Variants in ADAMTS3 observed in about 807,000 individuals in gnomAD.
ADAMTS3 encodes A disintegrin and metalloproteinase with thrombospondin motifs 3.
A neutral mutation model predicts 129.0 loss-of-function variants in ADAMTS3; 73 were observed. The ratio of observed to expected loss-of-function variants is 0.57; its 90% confidence interval spans 0.47 to 0.69. The LOEUF (loss-of-function observed/expected upper bound fraction) is 0.69, where lower values mean the gene tolerates loss of function less well. Among genes scored for constraint, ADAMTS3 ranks in the 30% least tolerant of loss-of-function variants. ADAMTS3 has a pLI of 0.00. For synonymous variants in ADAMTS3, 477 were observed against 510.8 expected (o/e 0.93, Z 0.89); for missense variants, 1,457 against 1,514.5 (o/e 0.96, Z 0.63).
intron 10 of ADAMTS3, among the ~76,000 whole-genome samples, chr4:72,317,158 C>T (rs1031787887): frequency 6.6e-6 from 1 of 152,102 alleles, no homozygotes; most frequent in Non-Finnish European, 1.5e-5. Flanking sequence ...TGCTAATTAC[C>T]TACATACACC....
intron 5 of ADAMTS3, among the ~76,000 whole-genome samples, chr4:72,328,467 G>A (rs1479546133): frequency 3.3e-5 from 5 of 152,126 alleles, no homozygotes; most frequent in Non-Finnish European, 7.3e-5. Context: ...TCAGATGGGT[G>A]GATCAGGTCT....
intron 5 of ADAMTS3, among the ~76,000 whole-genome samples, chr4:72,337,399 T>C (rs572154193): frequency 3.3e-5 from 5 of 152,178 alleles, no homozygotes; most frequent in South Asian, 4.1e-4. Context: ...CTGGTGAATA[T>C]ACTGTATCCA....
At chr4:72,389,028 C>T (rs1578636767) in intron 4 of ADAMTS3, among the ~76,000 whole-genome samples, 1 of 152,186 alleles carries the variant, frequency 6.6e-6, no homozygotes, top group Admixed American at 6.5e-5. Flanking sequence ...CTCGGCCTAG[C>T]ACAAACCAAA....
rs186855350 is a variant in ADAMTS3 at position 72,558,154 on chromosome 4, C to T, written c.97+9220G>A. 2.3e-3 allele frequency among the ~76,000 whole-genome samples: 342 copies of T among 151,952 alleles called. 7 individuals carry two copies. The highest frequency in any genetic ancestry group is 7.8e-3 in the African/African-American group (320 of 41,242). ...TGGACAGCACTGTTAAAGGTTTTCA[C>T]TGAAACTTTACTTGCGATAATTACA... On this transcript the variant is annotated intron_variant, in intron 2 of 21. Coordinates refer to ENST00000286657, the MANE Select transcript of ADAMTS3 (RefSeq NM_014243.3).
intron 3 of ADAMTS3, among the ~76,000 whole-genome samples, chr4:72,435,608 C>T (rs1395520558): frequency 6.6e-6 from 1 of 151,644 alleles, no homozygotes. Context: ...AATTGACTGT[C>T]GACTGATGTA....
intron 3 of ADAMTS3, among the ~76,000 whole-genome samples, chr4:72,511,961 A>G (rs1720327429): frequency 6.6e-6 from 1 of 152,218 alleles, no homozygotes; most frequent in Admixed American, 6.5e-5. Flanking sequence ...GTCATTTGCA[A>G]CAACATGGAT....
intron 4 of ADAMTS3, among the ~76,000 whole-genome samples, chr4:72,389,792 A>G (rs1169713418): frequency 1.3e-5 from 2 of 152,216 alleles, no homozygotes; most frequent in Non-Finnish European, 2.9e-5. Flanking sequence ...TTTAATAGCC[A>G]TCAACCAGTC....
intron 2 of ADAMTS3, among the ~76,000 whole-genome samples, chr4:72,550,058 GA>G (rs1283106753): frequency 8.1e-5 from 1 of 12,372 alleles, no homozygotes; most frequent in African/African-American, 2.9e-4. Flanking sequence ...AGAGGAAGAG[GA>G]AGAGGAAGAG....
At position 72,336,203 on chromosome 4, in the gene ADAMTS3, G is replaced by C. The variant is rs113954581; in HGVS notation, c.861+3291C>G. Among the ~76,000 whole-genome samples the C allele has an allele frequency of 7.9e-5, 12 of 152,248 alleles. 1 individual carries two copies. Among genetic ancestry groups the C allele is most frequent in the African/African-American group, 2.9e-4 (12 of 41,558 alleles). Reference sequence around the variant, plus strand: ...ACAGCATGATCTTCTCTCTACCATAGGGACACCTTTCACACTAATCAATGC... The same window carrying C: ...ACAGCATGATCTTCTCTCTACCATACGGACACCTTTCACACTAATCAATGC... On this transcript the variant is annotated intron_variant, in intron 5 of 21. Coordinates refer to ENST00000286657, the MANE Select transcript of ADAMTS3 (RefSeq NM_014243.3).
chr4:72,282,989 G>A lies in ADAMTS3; in HGVS notation c.*147C>T, dbSNP rs1718391130. 1 of 650,540 alleles carries A rather than the reference G, an allele frequency of 1.5e-6. No homozygotes were observed. Among genetic ancestry groups the A allele is most frequent in the African/African-American group, 1.8e-5 (1 of 54,656 alleles). The allele number at this position is 650,540 out of a possible 1,614,324, so 40.3% of individuals were successfully genotyped here. On this transcript the variant is annotated 3_prime_UTR_variant, in exon 22 of 22. Coordinates refer to ENST00000286657, the MANE Select transcript of ADAMTS3 (RefSeq NM_014243.3). The stretch of plus-strand genomic sequence containing the variant: ...AAAGGAGGATGAAAGCAACTAGAAA[G>A]TGAGCCAGCACTTTCTGTTCTTCCA...
chr4:72,394,101 G>A (rs1413562933), intron 4 of ADAMTS3, among the ~76,000 whole-genome samples: 3 of 152,072 alleles, frequency 2.0e-5, no homozygotes, highest in Non-Finnish European at 2.9e-5. Flanking sequence ...ACTCTTAGAG[G>A]GAGCTCTTTC....
chr4:72,553,085 G>C (rs765340497), intron 2 of ADAMTS3, among the ~76,000 whole-genome samples: 2 of 35,090 alleles, frequency 5.7e-5, no homozygotes, highest in Non-Finnish European at 1.2e-4. Context: ...AGTTTGAGTC[G>C]GAAGGGGTAT....
chr4:72,558,167 T>C (rs984061059), intron 2 of ADAMTS3, among the ~76,000 whole-genome samples: 2 of 151,886 alleles, frequency 1.3e-5, no homozygotes, highest in African/African-American at 4.9e-5. Context: ...AAACTTTACT[T>C]GCGATAATTA....
intron 4 of ADAMTS3, among the ~76,000 whole-genome samples, chr4:72,395,843 C>T (rs537565193): frequency 5.2e-4 from 79 of 152,084 alleles, no homozygotes; most frequent in African/African-American, 1.6e-3. Context: ...CATATACACA[C>T]GCATGTGCTG....
rs766168139 is a variant in ADAMTS3 at position 72,306,075 on chromosome 4, T to A, written c.2180-8A>T. ...CAAACATCTTAAGGTACCCTTTGCA[T>A]GTGTAGTAAATATTGTAGGAAGCAA... is the stretch of plus-strand genomic sequence containing the variant. On this transcript the variant is annotated splice_region_variant and splice_polypyrimidine_tract_variant and intron_variant, in intron 15 of 21. Transcript: ENST00000286657. The A allele has an allele frequency of 2.5e-6, 4 of 1,594,608 alleles. No homozygotes were observed. In the African/African-American group the frequency reaches 5.4e-5, roughly 22 times the overall value.
chr4:72,434,822 C>T (rs908359562), intron 3 of ADAMTS3, among the ~76,000 whole-genome samples: 2 of 151,782 alleles, frequency 1.3e-5, no homozygotes, highest in Non-Finnish European at 2.9e-5. Context: ...GAGAATCTTC[C>T]GCTGGCCTTG....
At chr4:72,376,840 G>T (rs997391785) in intron 4 of ADAMTS3, among the ~76,000 whole-genome samples, 1 of 152,094 alleles carries the variant, frequency 6.6e-6, no homozygotes, top group South Asian at 2.1e-4. Context: ...GCCAAGGATG[G>T]TATTTTTGAG....
intron 3 of ADAMTS3, among the ~76,000 whole-genome samples, chr4:72,458,413 T>C (rs1170215445): frequency 6.6e-6 from 1 of 151,516 alleles, no homozygotes; most frequent in African/African-American, 2.4e-5. Flanking sequence ...AAAAAATGCT[T>C]AGAGTTAGAC....
At chr4:72,325,493 T>C (rs1458702436) in intron 5 of ADAMTS3, among the ~76,000 whole-genome samples, 1 of 152,186 alleles carries the variant, frequency 6.6e-6, no homozygotes, top group African/African-American at 2.4e-5. Context: ...AGAGGCTTCT[T>C]GTAAGGCAGC....
Sources: allele counts gnomAD v4.1 joint callset (sites outside exome capture counted in the v4.1 genomes callset), GRCh38; gene constraint gnomAD v4.1.1; transcripts MANE v1.5; gene names NCBI Gene and HGNC (gene_info 2026-07-23, HGNC 2026-07-21).